KMT2A: variants seen among roughly 807,000 people sequenced by gnomAD.
KMT2A encodes lysine methyltransferase 2A.
Under a neutral mutation model 345.3 loss-of-function variants are expected in KMT2A, and 16 were observed. That is an observed-to-expected ratio of 0.05 (90% CI 0.03 to 0.07). KMT2A has a LOEUF of 0.07. Among genes scored for constraint, KMT2A ranks in the 10% least tolerant of loss-of-function variants. KMT2A has a pLI of 1.00. For missense variants in KMT2A, 3,272 were observed against 4,841.6 expected (o/e 0.68, Z 9.62); for synonymous variants, 1,599 against 1,778.6 (o/e 0.90, Z 2.54).
At chr11:118,454,105 A>C (rs927680056) in intron 1 of KMT2A, among the ~76,000 whole-genome samples, 10 of 152,140 alleles carry the variant, frequency 6.6e-5, no homozygotes, top group Non-Finnish European at 1.5e-4. Context: ...CTCCCATTAT[A>C]GTCTCTTGGT....
intron 7 of KMT2A, 33 bp downstream of exon 7, chr11:118,482,125 C>T: frequency 6.4e-7 from 1 of 1,559,976 alleles, no homozygotes; most frequent in Non-Finnish European, 8.6e-7. Context: ...AATTGCTGAA[C>T]CACAAGTACT....
Position 118,473,096 on chromosome 11 carries a change from C to T in KMT2A, c.1937C>T (p.Pro646Leu), listed in dbSNP as rs1555036228. The change falls in exon 3 of 36, where the codon CCA (proline) becomes CTA (leucine). Residue 646 changes from proline to leucine, a missense_variant. Transcript: ENST00000534358. The surrounding 1 kb of genome is among the most constrained non-coding windows in gnomAD (Gnocchi z 5.2). ...KYAKEGLIRK[P>L]IFDNFRPPPL... ...GCCAAAGAAGGTCTTATTCGCAAAC[C>T]AATATTTGATAATTTCCGACCCCCT... 1 of 1,614,160 alleles carries T rather than the reference C, an allele frequency of 6.2e-7. No individual in the cohort carries two copies. Among genetic ancestry groups the T allele is most frequent in the Non-Finnish European group, 8.5e-7 (1 of 1,180,028 alleles).
chr11:118,488,403 A>T, intron 10 of KMT2A: 1 of 605,162 alleles, frequency 1.7e-6, no homozygotes, highest in South Asian at 1.7e-5. Flanking sequence ...GTTACTTTCT[A>T]TTTCCACTGG....
chr11:118,472,657 C>G lies in KMT2A; in HGVS notation c.1498C>G (p.Pro500Ala), dbSNP rs1555036013. 1 of 1,612,934 alleles carries G rather than the reference C, an allele frequency of 6.2e-7. No individual in the cohort carries two copies. Among genetic ancestry groups the G allele is most frequent in the South Asian group, 1.1e-5 (1 of 91,006 alleles). The change falls in exon 3 of 36, where the codon CCT (proline) becomes GCT (alanine). Residue 500 changes from proline (P) to alanine (A), a missense_variant. Pro to Ala is a conservative substitution (Grantham distance 27). Coordinates refer to ENST00000534358, the MANE Select transcript of KMT2A (RefSeq NM_001197104.2). ...GGCTTCTGAGGAGATTCAGGTACTTCCTGAGGAGCGGAGCGATACCCCTGA... is the reference window on the plus strand; with the variant it reads ...GGCTTCTGAGGAGATTCAGGTACTTGCTGAGGAGCGGAGCGATACCCCTGA... The part of the protein sequence containing the change: ...SQASEEIQVL[P>A]EERSDTPEVH...
At position 118,473,657 on chromosome 11, in the gene KMT2A, C is replaced by T. The variant is rs1555036589; in HGVS notation, c.2498C>T (p.Thr833Ile). ...PAEPFSSSSP[T>I]PLFPWFTPGS... ...GAGCCATTTTCATCAAGTAGTCCTA[C>T]TCCTCTCTTCCCTTGGTTTACCCCA... Residue 833 changes from threonine (T) to isoleucine (I), a missense_variant, in exon 3 of 36, where the codon ACT becomes ATT. Transcript: ENST00000534358. The surrounding 1 kb of genome is among the most constrained non-coding windows in gnomAD (Gnocchi z 5.2). The T allele has an allele frequency of 1.9e-6, 3 of 1,614,142 alleles. No homozygotes were observed. The highest frequency in any genetic ancestry group is 2.5e-6 in the Non-Finnish European group (3 of 1,180,034).
At position 118,493,080 on chromosome 11, in the gene KMT2A, T is replaced by C; in HGVS notation, c.5028T>C (p.Asn1676=). 6.2e-7 allele frequency: 1 copy of C among 1,613,766 alleles called. No individual in the cohort carries two copies. Among genetic ancestry groups the C allele is most frequent in the East Asian group, 2.2e-5 (1 of 44,862 alleles). The change falls in exon 16 of 36, where the codon AAT becomes AAC. Residue 1676 remains asparagine, a synonymous_variant. Coordinates refer to ENST00000534358, the MANE Select transcript of KMT2A (RefSeq NM_001197104.2). The surrounding 1 kb of genome is among the most constrained non-coding windows in gnomAD (Gnocchi z 5.8). Reference sequence around the variant, plus strand: ...AGGCTGCCAAGCCTCCAGACTTAAATCCCGAGACAGAGGAGAGTATACCTT... The same window carrying C: ...AGGCTGCCAAGCCTCCAGACTTAAACCCCGAGACAGAGGAGAGTATACCTT... ...YRQAAKPPDL[N]PETEESIPSR...
chr11:118,458,060 T>C lies in KMT2A; in HGVS notation c.433-10715T>C, dbSNP rs562004782. 1.8e-5 allele frequency: 5 copies of C among 276,600 alleles called. No individual in the cohort carries two copies. In the East Asian group the frequency reaches 5.3e-4, roughly 29 times the overall value. 17.1% of individuals were successfully genotyped at this position (276,600 alleles called of 1,614,324 possible). Reference sequence around the variant, plus strand: ...GAGGGCATTCTCCCTATGCATTTTTTTTTGAGATGCTTTCAAATTTATTTT... The same window carrying C: ...GAGGGCATTCTCCCTATGCATTTTTCTTTGAGATGCTTTCAAATTTATTTT... On this transcript the variant is annotated intron_variant, in intron 1 of 35. Transcript: ENST00000534358.
chr11:118,486,588 C>T lies in KMT2A; in HGVS notation c.4332+1613C>T, dbSNP rs568728420. On this transcript the variant is annotated intron_variant, in intron 10 of 35. Coordinates refer to ENST00000534358, the MANE Select transcript of KMT2A (RefSeq NM_001197104.2). Reference sequence around the variant, plus strand: ...TGTATTCAAAGGTGGTAAAGAAAATCCACGTCGGGTGCAGTGGCTCACGCC... The same window carrying T: ...TGTATTCAAAGGTGGTAAAGAAAATTCACGTCGGGTGCAGTGGCTCACGCC... Among the ~76,000 whole-genome samples, 5 of 152,140 alleles carry T rather than the reference C, an allele frequency of 3.3e-5. No individual in the cohort carries two copies. In the South Asian group the frequency reaches 1.0e-3, roughly 32 times the overall value.
intron 1 of KMT2A, among the ~76,000 whole-genome samples, chr11:118,462,047 A>G (rs911952606): frequency 2.6e-5 from 4 of 152,202 alleles, no homozygotes; most frequent in African/African-American, 7.2e-5. Context: ...TCTGCCTCCC[A>G]GGTTCAAGTA....
chr11:118,500,689 G>A (rs1366851390), intron 24 of KMT2A: 3 of 218,550 alleles, frequency 1.4e-5, no homozygotes, highest in African/African-American at 4.5e-5. Context: ...ACTAATTTTT[G>A]TAATGGTTAA....
chr11:118,501,582 C>A, intron 25 of KMT2A, 90 bp from the exon 26 acceptor site: 2 of 1,133,654 alleles, frequency 1.8e-6, no homozygotes, highest in Non-Finnish European at 2.5e-6. Context: ...TCTAGTTTTA[C>A]ATTTACCTGA....
In KMT2A at chr11:118,502,623, A is replaced by G. The variant is rs1950518029; in HGVS notation, c.6731A>G (p.Lys2244Arg). Residue 2244 changes from lysine (K) to arginine (R), a missense_variant, in exon 27 of 36, where the codon AAA becomes AGA. Lys to Arg is a conservative substitution (Grantham distance 26). Transcript: ENST00000534358. The surrounding 1 kb of genome is among the most constrained non-coding windows in gnomAD (Gnocchi z 4.9). ...GCTACTGATCTTGAATCAAGTGCCA[A>G]AGTAGTTGATCATGTCTTAGGGCCA... ...GTATDLESSA[K>R]VVDHVLGPLN... 2 of 1,613,992 alleles carry G rather than the reference A, an allele frequency of 1.2e-6. No individual in the cohort carries two copies. Among genetic ancestry groups the G allele is most frequent in the Non-Finnish European group, 1.7e-6 (2 of 1,180,008 alleles).
At chr11:118,482,120 C>A in intron 7 of KMT2A, 28 bp downstream of exon 7, 1 of 1,569,808 alleles carries the variant, frequency 6.4e-7, no homozygotes, top group South Asian at 1.2e-5. Context: ...GAAGGAATTG[C>A]TGAACCACAA....
At position 118,473,205 on chromosome 11, in the gene KMT2A, C is replaced by T. The variant is rs782271167; in HGVS notation, c.2046C>T (p.Leu682=). The change falls in exon 3 of 36, where the codon CTC becomes CTT. Residue 682 remains leucine, a synonymous_variant. Coordinates refer to ENST00000534358, the MANE Select transcript of KMT2A (RefSeq NM_001197104.2). This position sits in a 1 kb window ranked among gnomAD's most constrained non-coding sequence, Gnocchi z 5.2. ...CTTCAGCCCGATTGTTTTCGCCACT[C>T]CATTCTGGAACAAGGTTTGATATGC... is the stretch of plus-strand genomic sequence containing the variant. The part of the protein sequence containing the change: ...TAASARLFSP[L]HSGTRFDMHK... 5.6e-6 allele frequency: 9 copies of T among 1,613,328 alleles called. No individual in the cohort carries two copies. The highest frequency in any genetic ancestry group is 6.8e-6 in the Non-Finnish European group (8 of 1,179,616).
At chr11:118,517,001 A>G (rs1355391536) in intron 31 of KMT2A, among the ~76,000 whole-genome samples, 2 of 152,170 alleles carry the variant, frequency 1.3e-5, no homozygotes, top group African/African-American at 2.4e-5. Context: ...ATACTTGAGT[A>G]TGTAGTATGT....
intron 5 of KMT2A, 87 bp from the exon 6 acceptor site, chr11:118,480,087 C>A: frequency 9.9e-7 from 1 of 1,011,912 alleles, no homozygotes; most frequent in Non-Finnish European, 1.5e-6. Context: ...TACAGATTCA[C>A]TGATTGTTGC....
Position 118,436,519 on chromosome 11 carries a change from C to T in KMT2A, c.7C>T (p.His3Tyr). 1 of 1,264,432 alleles carries T rather than the reference C, an allele frequency of 7.9e-7. No homozygotes were observed. Among genetic ancestry groups the T allele is most frequent in the Non-Finnish European group, 1.0e-6 (1 of 994,568 alleles). 78.3% of individuals were successfully genotyped at this position (1,264,432 alleles called of 1,614,324 possible). A position where few individuals can be genotyped will look rare whatever the true frequency, so the allele number is the denominator to read the frequency against. Residue 3 changes from histidine to tyrosine, a missense_variant, in exon 1 of 36, where the codon CAC becomes TAC. Coordinates refer to ENST00000534358, the MANE Select transcript of KMT2A (RefSeq NM_001197104.2). This position sits in a 1 kb window ranked among gnomAD's most constrained non-coding sequence, Gnocchi z 6.9. The part of the protein sequence containing the change: MA[H>Y]SCRWRFPARP... ...TTCACTTCACGGGGCGAACATGGCG[C>T]ACAGCTGTCGGTGGCGCTTCCCCGC...
intron 31 of KMT2A, among the ~76,000 whole-genome samples, chr11:118,515,640 C>T (rs1235006450): frequency 1.3e-5 from 2 of 151,010 alleles, no homozygotes; most frequent in Non-Finnish European, 2.9e-5. Context: ...ATGGACATCT[C>T]ACAGACCAGA....
Position 118,495,245 on chromosome 11 carries a change from G to A in KMT2A, c.5364-455G>A, listed in dbSNP as rs151037125. Among the ~76,000 whole-genome samples, 28 of 150,526 alleles carry A rather than the reference G, an allele frequency of 1.9e-4. No homozygotes were observed. Among genetic ancestry groups the A allele is most frequent in the African/African-American group, 6.1e-4 (25 of 40,848 alleles). On this transcript the variant is annotated intron_variant, in intron 18 of 35. Transcript: ENST00000534358. This position sits in a 1 kb window ranked among gnomAD's most constrained non-coding sequence, Gnocchi z 4.1. ...ATGATCTCGGCTCACTACAACCTCC[G>A]CCTCCCTGGTTCAAGCGATTCTCCT...
Sources: allele counts gnomAD v4.1 joint callset (sites outside exome capture counted in the v4.1 genomes callset), GRCh38; gene constraint gnomAD v4.1.1; non-coding constraint Gnocchi (gnomAD v3.1); transcripts MANE v1.5; gene names NCBI Gene and HGNC (gene_info 2026-07-23, HGNC 2026-07-21).